Variants in OTC observed in about 807,000 individuals in gnomAD.
OTC encodes ornithine transcarbamylase.
In OTC, 3 loss-of-function variants were observed where a neutral mutation model predicts 30.3. That is an observed-to-expected ratio of 0.10 (90% CI 0.05 to 0.26). The LOEUF (loss-of-function observed/expected upper bound fraction) is 0.26, where lower values mean the gene tolerates loss of function less well. OTC is among the 10% of genes least tolerant of loss of function. OTC has a pLI of 1.00. For missense variants in OTC, 194 were observed against 260.3 expected (o/e 0.75, Z 1.75); for synonymous variants, 111 against 99.7 (o/e 1.11, Z -0.67).
Position 38,408,862 on chromosome X carries a change from T to C in OTC, c.718-14T>C, listed in dbSNP as rs55722856. 12,697 of 1,208,527 alleles carry C rather than the reference T, an allele frequency of 0.011. 879 individuals carry two copies. In the African/African-American group the frequency reaches 0.19, roughly 18 times the overall value. ...CCCATGAAGTTATTTAACCAGCGTGTTTATGTATGCTAGAATGGTACCAAG... is the reference window on the plus strand; with the variant it reads ...CCCATGAAGTTATTTAACCAGCGTGCTTATGTATGCTAGAATGGTACCAAG... On this transcript the variant is annotated splice_polypyrimidine_tract_variant and intron_variant, in intron 7 of 9. Coordinates refer to ENST00000039007, the MANE Select transcript of OTC (RefSeq NM_000531.6).
chrX:38,381,274 C>A (rs2068374672), intron 3 of OTC, 68 bp from the exon 4 acceptor site: 2 of 796,483 alleles, frequency 2.5e-6, no homozygotes, highest in Non-Finnish European at 3.7e-6. Flanking sequence ...GATGCCAATT[C>A]TTTGTAATTT....
At chrX:38,377,064 T>A (rs5917205) in intron 3 of OTC, among the ~76,000 whole-genome samples, 19,844 of 111,196 alleles carry the variant, frequency 0.18, 1,572 homozygotes, top group Middle Eastern at 0.27. Flanking sequence ...TGGAACATTA[T>A]CAAGGATACA....
intron 4 of OTC, among the ~76,000 whole-genome samples, chrX:38,383,025 A>G (rs961606039): frequency 1.8e-5 from 2 of 111,681 alleles, no homozygotes; most frequent in Non-Finnish European, 3.8e-5. Flanking sequence ...TCTCCACACA[A>G]TTCTCACTGC....
intron 1 of OTC, 134 bp downstream of exon 1, chrX:38,352,907 T>A: frequency 1.9e-6 from 1 of 525,794 alleles, no homozygotes; most frequent in Non-Finnish European, 3.3e-6. Flanking sequence ...CAGCTGCCTC[T>A]AATTCCAGCA....
At chrX:38,331,324 G>T in the OTC span, among the ~76,000 whole-genome samples, 5 of 106,615 alleles carry the variant, frequency 4.7e-5, no homozygotes, top group African/African-American at 1.7e-4. Context: ...CATGATCTCG[G>T]CTCACTGCAA....
the OTC span, among the ~76,000 whole-genome samples, chrX:38,332,903 AAG>A: frequency 9.0e-6 from 1 of 111,422 alleles, no homozygotes; most frequent in Non-Finnish European, 1.9e-5. Context: ...GTAGCAGGGC[AAG>A]AGAGAGAGGA....
intron 1 of OTC, among the ~76,000 whole-genome samples, chrX:38,355,869 C>T (rs181709279): frequency 1.8e-5 from 2 of 110,712 alleles, no homozygotes; most frequent in East Asian, 5.6e-4. Flanking sequence ...AAACCCTGTC[C>T]CTGTTAAAAA....
chrX:38,402,485 C>T (rs6520353), intron 5 of OTC, among the ~76,000 whole-genome samples: 51,688 of 111,017 alleles, frequency 0.47, 9,634 homozygotes, highest in African/African-American at 0.7. Context: ...CTAGCTTAGC[C>T]AACTAGTAGT....
At chrX:38,351,040 T>C (rs2068212440), upstream of OTC, among the ~76,000 whole-genome samples, 1 of 111,902 alleles carries the variant, frequency 8.9e-6, no homozygotes, top group African/African-American at 3.3e-5. Flanking sequence ...TTATGTTTTT[T>C]AAATTCACTC....
At chrX:38,387,121 C>A (rs1226603190) in intron 4 of OTC, among the ~76,000 whole-genome samples, 1 of 111,928 alleles carries the variant, frequency 8.9e-6, no homozygotes, top group Non-Finnish European at 1.9e-5. Flanking sequence ...CTATTCAAAT[C>A]TTTTGCCTAT....
At chrX:38,353,898 A>G (rs1391334463) in intron 1 of OTC, among the ~76,000 whole-genome samples, 2 of 111,928 alleles carry the variant, frequency 1.8e-5, no homozygotes, top group Non-Finnish European at 3.8e-5. Context: ...TTTCAAGTAT[A>G]AGGTAAAAAA....
chrX:38,377,414 A>G (rs1602018827), intron 3 of OTC, among the ~76,000 whole-genome samples: 1 of 112,122 alleles, frequency 8.9e-6, no homozygotes, highest in Non-Finnish European at 1.9e-5. Flanking sequence ...TGGAAAAGCA[A>G]GAGCAAACCA....
intron 3 of OTC, among the ~76,000 whole-genome samples, chrX:38,377,167 G>A (rs2068352466): frequency 9.0e-6 from 1 of 111,420 alleles, no homozygotes; most frequent in African/African-American, 3.3e-5. Flanking sequence ...GAAGAATTTT[G>A]GAAAAAATAT....
the OTC span, among the ~76,000 whole-genome samples, chrX:38,340,480 T>G: frequency 6.7e-5 from 7 of 104,616 alleles, no homozygotes; most frequent in Middle Eastern, 4.8e-3. Context: ...TTTGTTTTTT[T>G]TTTTTTTTGC....
chrX:38,391,331 A>G (rs2068427994), intron 4 of OTC, among the ~76,000 whole-genome samples: 1 of 111,141 alleles, frequency 9.0e-6, no homozygotes, highest in Admixed American at 9.6e-5. Context: ...CCAACATGGC[A>G]CATGTATACA....
chrX:38,355,249 C>T (rs2068234991), intron 1 of OTC, among the ~76,000 whole-genome samples: 1 of 111,410 alleles, frequency 9.0e-6, no homozygotes, highest in Non-Finnish European at 1.9e-5. Flanking sequence ...TCGATAGGAT[C>T]AGAAACCAAG....
intron 3 of OTC, among the ~76,000 whole-genome samples, chrX:38,371,912 A>G (rs2068324643): frequency 8.9e-6 from 1 of 112,154 alleles, no homozygotes; most frequent in Non-Finnish European, 1.9e-5. Context: ...GTATTCCATG[A>G]GTTGGGTAGA....
chrX:38,400,053 T>C (rs1332669189), intron 4 of OTC, among the ~76,000 whole-genome samples: 2 of 111,452 alleles, frequency 1.8e-5, no homozygotes, highest in Non-Finnish European at 1.9e-5. Context: ...GGATTCTTCT[T>C]TGAAATTGTC....
At position 38,381,515 on chromosome X, in the gene OTC, A is replaced by T. The variant is rs994337160; in HGVS notation, c.386+86A>T. The T allele has an allele frequency of 1.2e-4, 79 of 654,600 alleles. 1 individual carries two copies. In the Admixed American group the frequency reaches 2.0e-3, roughly 16 times the overall value. 53.9% of individuals were successfully genotyped at this position (654,600 alleles called of 1,213,427 possible). A position where few individuals can be genotyped will look rare whatever the true frequency, so the allele number is the denominator to read the frequency against. ...AATAAAACATAATTCTCTTTAAATA[A>T]TGGTTTTCCCTCTAATTGTTCTGTT... On this transcript the variant is annotated intron_variant, in intron 4 of 9. Transcript: ENST00000039007.
Sources: gnomAD v4.1 joint callset for allele counts (sites outside exome capture counted in the v4.1 genomes callset) on GRCh38, gnomAD v4.1.1 for gene constraint, MANE v1.5 for transcripts, NCBI Gene and HGNC (gene_info 2026-07-23, HGNC 2026-07-21) for gene names.